KYNU: variants seen among roughly 807,000 people sequenced by gnomAD.
KYNU encodes kynureninase, also known as L-kynurenine hydrolase.
In KYNU, 54 loss-of-function variants were observed where a neutral mutation model predicts 59.2. The observed-to-expected ratio is 0.91, with a 90% CI of 0.73 to 1.14. KYNU has a LOEUF of 1.14. Ranked by LOEUF, KYNU falls within the 50% of genes most tolerant of loss-of-function variation. KYNU has a pLI of 0.00. For synonymous variants in KYNU, 177 were observed against 192.0 expected (o/e 0.92, Z 0.65); for missense variants, 567 against 554.4 (o/e 1.02, Z -0.23).
At chr2:143,042,000 C>A (rs376293196) in intron 13 of KYNU, 47 bp from the exon 14 acceptor site, 2 of 1,595,764 alleles carry the variant, frequency 1.3e-6, no homozygotes, top group Non-Finnish European at 1.7e-6. Context: ...AGATTTTCAA[C>A]GTGTGAATAA....
intron 4 of KYNU, chr2:142,947,213 T>C (rs1683819240): frequency 6.4e-7 from 1 of 1,550,458 alleles, no homozygotes; most frequent in Non-Finnish European, 8.7e-7. Flanking sequence ...CCAAGAAAAC[T>C]TCAGTGGAGT....
At chr2:142,933,521 C>T (rs1449432806) in intron 4 of KYNU, among the ~76,000 whole-genome samples, 3 of 152,104 alleles carry the variant, frequency 2.0e-5, no homozygotes, top group Non-Finnish European at 2.9e-5. Flanking sequence ...GCTTAGTTTG[C>T]AGAGGCAGGA....
intron 13 of KYNU, among the ~76,000 whole-genome samples, chr2:143,041,132 G>C (rs1687030616): frequency 6.6e-6 from 1 of 152,024 alleles, no homozygotes; most frequent in Admixed American, 6.6e-5. Flanking sequence ...CACTTCTCAG[G>C]AGTGGTAACA....
chr2:143,035,524 G>A (rs1311092425), intron 12 of KYNU, among the ~76,000 whole-genome samples: 1 of 151,904 alleles, frequency 6.6e-6, no homozygotes, highest in Non-Finnish European at 1.5e-5. Context: ...GACATTTATG[G>A]GTTTCTCATG....
chr2:142,895,480 A>G (rs183663857), intron 2 of KYNU, among the ~76,000 whole-genome samples: 2 of 152,322 alleles, frequency 1.3e-5, no homozygotes, highest in African/African-American at 4.8e-5. Context: ...ATTGCTGAAT[A>G]GTATTCTACC....
intron 8 of KYNU, among the ~76,000 whole-genome samples, chr2:142,973,328 A>G (rs756973677): frequency 1.3e-5 from 2 of 152,128 alleles, no homozygotes; most frequent in Admixed American, 6.5e-5. Context: ...CTAAATGTCA[A>G]TAAGCATCAA....
intron 12 of KYNU, among the ~76,000 whole-genome samples, chr2:143,034,781 G>A (rs1170204768): frequency 1.3e-5 from 2 of 152,126 alleles, no homozygotes; most frequent in Non-Finnish European, 2.9e-5. Flanking sequence ...ACAAAATAAA[G>A]TTTCTGCATT....
At chr2:142,957,565 A>C (rs1684208766) in intron 6 of KYNU, 76 bp from the exon 7 acceptor site, 2 of 902,292 alleles carry the variant, frequency 2.2e-6, no homozygotes, top group East Asian at 2.5e-5. Context: ...CCTTATTTTT[A>C]CTTTATTATT....
chr2:142,937,750 TGTG>T (rs1367894227), intron 4 of KYNU, among the ~76,000 whole-genome samples: 3 of 152,370 alleles, frequency 2.0e-5, no homozygotes, highest in East Asian at 3.9e-4. Context: ...TTGGCCAAAA[TGTG>T]GTGATTAGCA....
intron 2 of KYNU, among the ~76,000 whole-genome samples, chr2:142,906,797 C>T (rs777751841): frequency 6.6e-6 from 1 of 152,104 alleles, no homozygotes; most frequent in Non-Finnish European, 1.5e-5. Context: ...AGACTTCTAG[C>T]CTGCACCATG....
chr2:142,966,581 C>A (rs1022808960), intron 8 of KYNU, among the ~76,000 whole-genome samples: 1 of 152,088 alleles, frequency 6.6e-6, no homozygotes, highest in African/African-American at 2.4e-5. Context: ...TTCTAAGATG[C>A]AGTATGGCAT....
At chr2:142,985,510 T>A (rs1479944006) in intron 9 of KYNU, among the ~76,000 whole-genome samples, 1 of 151,924 alleles carries the variant, frequency 6.6e-6, no homozygotes, top group Non-Finnish European at 1.5e-5. Flanking sequence ...AATTTCTGCA[T>A]ATATAAAGAT....
chr2:142,985,278 T>G (rs947835667), intron 9 of KYNU, 96 bp downstream of exon 9: 2 of 770,812 alleles, frequency 2.6e-6, no homozygotes, highest in Non-Finnish European at 4.7e-6. Flanking sequence ...AAGATTTGAG[T>G]TACTTTCCCT....
At chr2:142,924,925 C>T (rs549962584) in intron 3 of KYNU, among the ~76,000 whole-genome samples, 3 of 152,280 alleles carry the variant, frequency 2.0e-5, no homozygotes, top group African/African-American at 7.2e-5. Context: ...CTACCCCAGG[C>T]TAGTGGGCTA....
chr2:142,909,110 A>C (rs1474776748), intron 2 of KYNU, among the ~76,000 whole-genome samples: 1 of 152,040 alleles, frequency 6.6e-6, no homozygotes, highest in Admixed American at 6.5e-5. Flanking sequence ...AATTGTGATC[A>C]TATATGGCTA....
chr2:142,902,244 G>A (rs1454553638), intron 2 of KYNU, among the ~76,000 whole-genome samples: 1 of 152,188 alleles, frequency 6.6e-6, no homozygotes, highest in African/African-American at 2.4e-5. Context: ...GTATGCCATG[G>A]TTTGCAAGCT....
At chr2:142,983,467 G>A (rs563192454) in intron 8 of KYNU, among the ~76,000 whole-genome samples, 7 of 152,136 alleles carry the variant, frequency 4.6e-5, no homozygotes, top group African/African-American at 1.2e-4. Flanking sequence ...TAACATGGGC[G>A]CAAGAGAGGG....
At chr2:143,004,330 A>C (rs1685803303) in intron 10 of KYNU, among the ~76,000 whole-genome samples, 1 of 152,210 alleles carries the variant, frequency 6.6e-6, no homozygotes, top group Non-Finnish European at 1.5e-5. Flanking sequence ...TGTGGGATTG[A>C]GATTCAAGTC....
Position 142,931,587 on chromosome 2 carries a change from C to A in KYNU, c.373+3846C>A, listed in dbSNP as rs115031185. On this transcript the variant is annotated intron_variant, in intron 4 of 13. Transcript: ENST00000264170. ...GTTAGAGTTTGGTAAGGGTGGAGGC[C>A]CTAAGATAAAAGTTCGGCCATACAT... 9.8e-3 allele frequency among the ~76,000 whole-genome samples: 1,489 copies of A among 151,982 alleles called. 12 individuals are homozygous for A. The highest frequency in any genetic ancestry group is 0.016 in the Non-Finnish European group (1,076 of 67,964).
Sources: gnomAD v4.1 joint callset for allele counts (sites outside exome capture counted in the v4.1 genomes callset) on GRCh38, gnomAD v4.1.1 for gene constraint, MANE v1.5 for transcripts, NCBI Gene and HGNC (gene_info 2026-07-23, HGNC 2026-07-21) for gene names.